Variants in OR2L13 observed in about 807,000 individuals in gnomAD.
OR2L13 encodes the protein olfactory receptor 2L13.
OR2L13 carries 14 observed loss-of-function variants against 15.3 expected under a neutral mutation model. That is an observed-to-expected ratio of 0.91 (90% CI 0.60 to 1.43). The LOEUF is 1.43. Among genes scored for constraint, OR2L13 ranks in the 40% most tolerant of loss-of-function variants. The probability of loss-of-function intolerance (pLI) is 0.00; values close to 1 mark genes in which losing one functional copy is unlikely to be tolerated. For missense variants in OR2L13, 367 were observed against 387.9 expected (o/e 0.95, Z 0.45); for synonymous variants, 152 against 142.9 (o/e 1.06, Z -0.45).
chr1:248,086,928 T>G, the OR2L13 span, among the ~76,000 whole-genome samples: 6,254 of 152,022 alleles, frequency 0.041, 431 homozygotes, highest in African/African-American at 0.14. Flanking sequence ...TTCTAGGCAC[T>G]TTATTTAGAA....
chr1:248,047,222 C>G, the OR2L13 span, among the ~76,000 whole-genome samples: 1 of 152,158 alleles, frequency 6.6e-6, no homozygotes, highest in Non-Finnish European at 1.5e-5. Flanking sequence ...AGCATTTCCT[C>G]ATTCCTACTT....
chr1:247,944,920 A>C, the OR2L13 span, among the ~76,000 whole-genome samples: 1 of 151,146 alleles, frequency 6.6e-6, no homozygotes, highest in African/African-American at 2.4e-5. Context: ...CTTGCTAATG[A>C]TCTATCTATT....
the OR2L13 span, among the ~76,000 whole-genome samples, chr1:247,959,757 C>T: frequency 3.0e-4 from 45 of 152,356 alleles, no homozygotes; most frequent in African/African-American, 8.2e-4. Flanking sequence ...CTTGTGCATT[C>T]GTCACGTAGT....
chr1:248,097,681 A>G (rs574135964), intron 1 of OR2L13, among the ~76,000 whole-genome samples: 2 of 152,356 alleles, frequency 1.3e-5, no homozygotes, highest in East Asian at 3.9e-4. Context: ...GATGGAACAC[A>G]TAAACCTACA....
chr1:248,070,248 A>G, the OR2L13 span, among the ~76,000 whole-genome samples: 6 of 152,176 alleles, frequency 3.9e-5, no homozygotes, highest in Non-Finnish European at 8.8e-5. Flanking sequence ...CAGCAAATGT[A>G]AAAGAACAGA....
the OR2L13 span, among the ~76,000 whole-genome samples, chr1:248,085,521 T>C: frequency 2.0e-5 from 3 of 147,216 alleles, no homozygotes; most frequent in South Asian, 2.1e-4. Flanking sequence ...CAGATTATAG[T>C]AGGTGTACCA....
chr1:248,064,003 T>C, the OR2L13 span, among the ~76,000 whole-genome samples: 2 of 152,172 alleles, frequency 1.3e-5, no homozygotes, highest in Admixed American at 1.3e-4. Context: ...CATGAAACCA[T>C]GCATGGAGCC....
chr1:247,971,281 A>G, the OR2L13 span, among the ~76,000 whole-genome samples: 1 of 152,234 alleles, frequency 6.6e-6, no homozygotes, highest in South Asian at 2.1e-4. Context: ...TAGAGCAGAC[A>G]CTATTAGGGA....
the OR2L13 span, chr1:247,965,856 A>G: frequency 1.9e-6 from 3 of 1,613,630 alleles, no homozygotes; most frequent in South Asian, 2.2e-5. Flanking sequence ...TCATACATAC[A>G]TTGTATGTGT....
At chr1:248,000,577 C>A in the OR2L13 span, among the ~76,000 whole-genome samples, 13,231 of 151,982 alleles carry the variant, frequency 0.087, 741 homozygotes, top group African/African-American at 0.16. Context: ...GAAACTTTGG[C>A]AGCTTTTGGA....
chr1:248,060,653 C>A, the OR2L13 span: 1 of 1,557,002 alleles, frequency 6.4e-7, no homozygotes, highest in Non-Finnish European at 8.8e-7. Flanking sequence ...CCTTGTGTCT[C>A]CCTTCAGGAA....
At chr1:247,973,626 C>T in the OR2L13 span, among the ~76,000 whole-genome samples, 8 of 152,064 alleles carry the variant, frequency 5.3e-5, no homozygotes, top group Non-Finnish European at 7.4e-5. Context: ...AGGATATGAA[C>T]AGACACTTCC....
upstream of OR2L13, chr1:248,097,264 C>T (rs147938097): frequency 5.7e-4 from 87 of 152,262 alleles, no homozygotes; most frequent in African/African-American, 2.0e-3. Context: ...GCCTTAGTGT[C>T]GTTCTTTAAG....
At chr1:247,950,890 A>G in the OR2L13 span, among the ~76,000 whole-genome samples, 756 of 152,236 alleles carry the variant, frequency 5.0e-3, 4 homozygotes, top group African/African-American at 0.017. Context: ...TATATTGTAT[A>G]TATTAAAAAA....
At chr1:248,084,125 C>T in the OR2L13 span, 3 of 1,611,706 alleles carry the variant, frequency 1.9e-6, no homozygotes, top group South Asian at 1.1e-5. Flanking sequence ...TAGCAACAGC[C>T]TGCAGGAGCC....
chr1:248,033,974 G>C, the OR2L13 span, among the ~76,000 whole-genome samples: 1 of 152,126 alleles, frequency 6.6e-6, no homozygotes, highest in African/African-American at 2.4e-5. Context: ...TGTTTACCTA[G>C]AAAACTCTAA....
the OR2L13 span, among the ~76,000 whole-genome samples, chr1:248,010,599 C>G: frequency 6.6e-6 from 1 of 151,886 alleles, no homozygotes; most frequent in Non-Finnish European, 1.5e-5. Flanking sequence ...CTTTATGAAT[C>G]TGGGTGCTCC....
chr1:248,000,908 G>A, the OR2L13 span, among the ~76,000 whole-genome samples: 3 of 151,738 alleles, frequency 2.0e-5, no homozygotes, highest in East Asian at 5.8e-4. Flanking sequence ...CCACTTATAT[G>A]GAGTTTTTGA....
the OR2L13 span, among the ~76,000 whole-genome samples, chr1:248,063,819 T>C: frequency 0.014 from 2,048 of 141,438 alleles, 18 homozygotes; most frequent in Middle Eastern, 0.034. Flanking sequence ...TGTGTGTGTG[T>C]GCATGCCTGA....
Sources: allele counts gnomAD v4.1 joint callset (sites outside exome capture counted in the v4.1 genomes callset), GRCh38; gene constraint gnomAD v4.1.1; transcripts MANE v1.5; gene names NCBI Gene and HGNC (gene_info 2026-07-23, HGNC 2026-07-21).